The following ZNF738 variants were observed in gnomAD, a reference collection of about 807,000 sequenced individuals.
The protein encoded by ZNF738 is protein ZNF738.
Under a neutral mutation model 9.2 loss-of-function variants are expected in ZNF738, and 10 were observed. That is an observed-to-expected ratio of 1.09 (90% confidence interval 0.67 to 1.85). The LOEUF (loss-of-function observed/expected upper bound fraction) is 1.85. Ranked by LOEUF, ZNF738 falls within the 40% of genes most tolerant of loss-of-function variation. ZNF738 has a pLI of 0.00. For synonymous variants in ZNF738, 113 were observed against 94.5 expected, an observed-to-expected ratio of 1.20 and a Z score of -1.14; for missense variants, 346 against 283.6, an observed-to-expected ratio of 1.22 and a Z score of -1.58.
chr19:21,367,228 A>G (rs1973795146), intron 2 of ZNF738, among the ~76,000 whole-genome samples: 1 of 152,102 alleles, frequency 6.6e-6, no homozygotes, highest in South Asian at 2.1e-4. Flanking sequence ...TGTCCTATAC[A>G]TTTCTTCTAT....
chr19:21,384,204 C>T lies in ZNF738; in HGVS notation c.*530C>T, dbSNP rs563622928. ...TGGCAAAGCTTTTAACTGGTACTCACGCCTTACTACACATAAGAGAATTCA... is the reference window on the plus strand; with the variant it reads ...TGGCAAAGCTTTTAACTGGTACTCATGCCTTACTACACATAAGAGAATTCA... On this transcript the variant is annotated 3_prime_UTR_variant, in exon 5 of 5. Coordinates refer to ENST00000683779, the MANE Select transcript of ZNF738 (RefSeq NM_001355237.2). 61 of 1,359,618 alleles carry T rather than the reference C, an allele frequency of 4.5e-5. No homozygotes were observed. Among genetic ancestry groups the T allele is most frequent in the African/African-American group, 1.5e-4 (10 of 67,870 alleles). 84.2% of individuals were successfully genotyped at this position (1,359,618 alleles called of 1,614,324 possible).
intron 2 of ZNF738, among the ~76,000 whole-genome samples, chr19:21,366,550 C>CAT (rs1447563213): frequency 6.6e-6 from 1 of 152,150 alleles, no homozygotes; most frequent in Non-Finnish European, 1.5e-5. Context: ...AGTCTTGATC[C>CAT]ATACCCCAAG....
intron 4 of ZNF738, chr19:21,377,724 A>G (rs1169375002): frequency 8.1e-6 from 3 of 368,618 alleles, no homozygotes; most frequent in Non-Finnish European, 1.4e-5. Context: ...GTCTAAATCT[A>G]TCTTGCCACC....
intron 4 of ZNF738, among the ~76,000 whole-genome samples, chr19:21,382,428 G>A (rs1039538468): frequency 2.6e-5 from 4 of 151,922 alleles, no homozygotes; most frequent in African/African-American, 4.8e-5. Flanking sequence ...TAGTAGAGAC[G>A]GAGTTTCACA....
At chr19:21,359,769 C>T (rs1449445920) in intron 1 of ZNF738, among the ~76,000 whole-genome samples, 1 of 151,964 alleles carries the variant, frequency 6.6e-6, no homozygotes, top group Non-Finnish European at 1.5e-5. Flanking sequence ...CCCAGCTACT[C>T]AGGAGGCTGA....
chr19:21,384,242 A>G lies in ZNF738; in HGVS notation c.*568A>G. ...ATAAGAGAATTCATACTGGTGAGAAACCCTACAAATGTGAAGAATGTGGCA... is the reference window on the plus strand; with the variant it reads ...ATAAGAGAATTCATACTGGTGAGAAGCCCTACAAATGTGAAGAATGTGGCA... On this transcript the variant is annotated 3_prime_UTR_variant, in exon 5 of 5. Coordinates refer to ENST00000683779, the MANE Select transcript of ZNF738 (RefSeq NM_001355237.2). 1 of 1,423,332 alleles carries G rather than the reference A, an allele frequency of 7.0e-7. No individual in the cohort carries two copies. The highest frequency in any genetic ancestry group is 9.9e-7 in the Non-Finnish European group (1 of 1,012,494). 88.2% of individuals were successfully genotyped at this position (1,423,332 alleles called of 1,614,324 possible).
chr19:21,375,974 A>G lies in ZNF738; in HGVS notation c.319+10A>G, dbSNP rs1396681735. On this transcript the variant is annotated intron_variant, in intron 4 of 4. Transcript: ENST00000683779. ...GTAGCCACACCCCCAGGTAGGTGAGAGTGAATAAAACAGTTGACATAGATG... is the reference window on the plus strand; with the variant it reads ...GTAGCCACACCCCCAGGTAGGTGAGGGTGAATAAAACAGTTGACATAGATG... 1.3e-6 allele frequency: 1 copy of G among 746,214 alleles called. No homozygotes were observed. Among genetic ancestry groups the G allele is most frequent in the East Asian group, 2.5e-5 (1 of 40,110 alleles). 46.2% of individuals were successfully genotyped at this position (746,214 alleles called of 1,614,324 possible). A position where few individuals can be genotyped will look rare whatever the true frequency, so the allele number is the denominator to read the frequency against.
rs1246143586 is a variant in ZNF738 at position 21,386,552 on chromosome 19, G to C, written c.*2878G>C. 2 of 350,380 alleles carry C rather than the reference G, an allele frequency of 5.7e-6. No homozygotes were observed. Among genetic ancestry groups the C allele is most frequent in the African/African-American group, 4.3e-5 (2 of 46,268 alleles). The allele number at this position is 350,380 out of a possible 1,614,324, so 21.7% of individuals were successfully genotyped here. A position where few individuals can be genotyped will look rare whatever the true frequency, so the allele number is the denominator to read the frequency against. ...TTTAACCAGTCCTACAAACCTTTTT[G>C]AACAAAATAATTCATACAGGAGAGA... On this transcript the variant is annotated 3_prime_UTR_variant, in exon 5 of 5. Coordinates refer to ENST00000683779, the MANE Select transcript of ZNF738 (RefSeq NM_001355237.2).
chr19:21,380,993 C>T (rs1025211161), intron 4 of ZNF738, among the ~76,000 whole-genome samples: 1 of 152,174 alleles, frequency 6.6e-6, no homozygotes, highest in African/African-American at 2.4e-5. Flanking sequence ...TATAAGAGAC[C>T]TAAATGATCC....
intron 2 of ZNF738, 115 bp downstream of exon 2, chr19:21,361,973 C>T (rs1035486667): frequency 4.8e-5 from 28 of 586,154 alleles, no homozygotes; most frequent in Non-Finnish European, 7.1e-5. Flanking sequence ...TCCAGCTACT[C>T]GGGGTTGCTG....
chr19:21,359,029 T>C lies in ZNF738; in HGVS notation c.-112T>C. Reference sequence around the variant, plus strand: ...TTGGCTGCCGCTGGAACTCCGGGTCTCGTCTTCACTGCTCTGTGTCCTCTG... The same window carrying C: ...TTGGCTGCCGCTGGAACTCCGGGTCCCGTCTTCACTGCTCTGTGTCCTCTG... On this transcript the variant is annotated 5_prime_UTR_variant, in exon 1 of 5. Transcript: ENST00000683779. The C allele has an allele frequency of 1.3e-6, 1 of 789,532 alleles. No homozygotes were observed. The highest frequency in any genetic ancestry group is 2.3e-6 in the Non-Finnish European group (1 of 435,210). The allele number at this position is 789,532 out of a possible 1,614,324, so 48.9% of individuals were successfully genotyped here.
At chr19:21,378,166 T>A in intron 4 of ZNF738, 1 of 378,242 alleles carries the variant, frequency 2.6e-6, no homozygotes, top group Non-Finnish European at 4.7e-6. Context: ...ATTATATTTT[T>A]ATATGTATAT....
chr19:21,383,209 A>G lies in ZNF738; in HGVS notation c.663A>G (p.Gln221=). 1.9e-6 allele frequency: 3 copies of G among 1,594,590 alleles called. No homozygotes were observed. Among genetic ancestry groups the G allele is most frequent in the South Asian group, 1.1e-5 (1 of 90,016 alleles). Residue 221 remains glutamine, a synonymous_variant, in exon 5 of 5, where the codon CAA becomes CAG. Transcript: ENST00000683779. ...TTTGCATGCTTTTACACCTAGGTCA[A>G]CATAAAATAATTCATATTAGAGAGA... The part of the protein sequence containing the change: ...KSFCMLLHLG[Q]HKIIHIRENS...
chr19:21,368,964 C>T (rs1316603897), intron 2 of ZNF738, among the ~76,000 whole-genome samples: 6 of 151,198 alleles, frequency 4.0e-5, no homozygotes, highest in African/African-American at 4.9e-5. Context: ...TCTTGAACTC[C>T]TGATCTCAAG....
chr19:21,376,162 G>A (rs1973925347), intron 4 of ZNF738, 198 bp downstream of exon 4: 1 of 399,450 alleles, frequency 2.5e-6, no homozygotes, highest in Admixed American at 4.2e-5. Context: ...TCTGTCTTAG[G>A]CTTTTAAATT....
chr19:21,381,587 G>A (rs994033638), intron 4 of ZNF738: 5 of 586,026 alleles, frequency 8.5e-6, no homozygotes, highest in East Asian at 2.9e-5. Flanking sequence ...TCCGTCTCCC[G>A]GGTTCACGCC....
chr19:21,382,271 T>C (rs1047018024), intron 4 of ZNF738, among the ~76,000 whole-genome samples: 8 of 150,738 alleles, frequency 5.3e-5, no homozygotes, highest in African/African-American at 2.0e-4. Context: ...AGATGGACTC[T>C]TGCACTGTCA....
intron 2 of ZNF738, among the ~76,000 whole-genome samples, chr19:21,370,949 GC>G (rs1397590078): frequency 5.9e-5 from 9 of 152,096 alleles, no homozygotes; most frequent in African/African-American, 2.2e-4. Flanking sequence ...AAATCTTAAA[GC>G]CCCCATTTGA....
chr19:21,361,131 G>GT (rs1973685062), intron 1 of ZNF738, among the ~76,000 whole-genome samples: 1 of 149,288 alleles, frequency 6.7e-6, no homozygotes, highest in Non-Finnish European at 1.5e-5. Context: ...TGTTTTGGGG[G>GT]TTTTTTTGTT....
Sources: allele counts gnomAD v4.1 joint callset (sites outside exome capture counted in the v4.1 genomes callset), GRCh38; gene constraint gnomAD v4.1.1; transcripts MANE v1.5; gene names NCBI Gene and HGNC (gene_info 2026-07-23, HGNC 2026-07-21).